Variants in DYNC1H1 observed in about 807,000 individuals in gnomAD.
The protein encoded by DYNC1H1 is dynein cytoplasmic 1 heavy chain 1, also known as cytoplasmic dynein 1 heavy chain 1.
A neutral mutation model predicts 527.1 loss-of-function variants in DYNC1H1; 51 were observed. That is an observed-to-expected ratio of 0.10 (90% CI 0.08 to 0.12). DYNC1H1 has a LOEUF of 0.12. Ranked by LOEUF, DYNC1H1 falls within the 10% of genes least tolerant of loss-of-function variation. The pLI is 1.00. For synonymous variants in DYNC1H1, 2,189 were observed against 2,278.8 expected (o/e 0.96, Z 1.12); for missense variants, 2,771 against 5,971.8 (o/e 0.46, Z 17.66).
Position 102,011,049 on chromosome 14 carries a change from C to A in DYNC1H1, c.6618+97C>A. On this transcript the variant is annotated intron_variant, in intron 32 of 77. Transcript: ENST00000360184. This position sits in a 1 kb window ranked among gnomAD's most constrained non-coding sequence, Gnocchi z 5.3. ...GTGGGCCCTTCGATGAAACTGTCCA[C>A]AAAGGCTGTGGAGGTGCATAATATG... 1 of 1,321,138 alleles carries A rather than the reference C, an allele frequency of 7.6e-7. No individual in the cohort carries two copies. Among genetic ancestry groups the A allele is most frequent in the Non-Finnish European group, 1.1e-6 (1 of 916,924 alleles). The allele number at this position is 1,321,138 out of a possible 1,614,324, so 81.8% of individuals were successfully genotyped here.
At position 101,979,174 on chromosome 14, in the gene DYNC1H1, T is replaced by A; in HGVS notation, c.345-145T>A. ...TTCTGTAACCATAACCTTGATTCAG[T>A]AGCTCTCATGTACTAAAGAAAGACA... is the stretch of plus-strand genomic sequence containing the variant. On this transcript the variant is annotated intron_variant, in intron 2 of 77. Transcript: ENST00000360184. This position sits in a 1 kb window ranked among gnomAD's most constrained non-coding sequence, Gnocchi z 4.6. 1 of 769,838 alleles carries A rather than the reference T, an allele frequency of 1.3e-6. No individual in the cohort carries two copies. Among genetic ancestry groups the A allele is most frequent in the Non-Finnish European group, 2.1e-6 (1 of 482,616 alleles). 47.7% of individuals were successfully genotyped at this position (769,838 alleles called of 1,614,324 possible).
Position 102,044,375 on chromosome 14 carries a change from G to C in DYNC1H1, c.12786G>C (p.Gln4262His). ...YGGRVDNEFD[Q>H]RLLNTFLERL... ...GGCGCGTGGACAACGAGTTTGACCAGCGTCTGCTCAACACCTTCCTGGAGC... is the reference window on the plus strand; with the variant it reads ...GGCGCGTGGACAACGAGTTTGACCACCGTCTGCTCAACACCTTCCTGGAGC... The change falls in exon 71 of 78, where the codon CAG becomes CAC. Residue 4262 changes from glutamine to histidine, a missense_variant. Transcript: ENST00000360184. This position sits in a 1 kb window ranked among gnomAD's most constrained non-coding sequence, Gnocchi z 7.1. 12 of 1,614,104 alleles carry C rather than the reference G, an allele frequency of 7.4e-6. No individual in the cohort carries two copies. Among genetic ancestry groups the C allele is most frequent in the African/African-American group, 1.3e-5 (1 of 75,064 alleles).
intron 43 of DYNC1H1, 120 bp downstream of exon 43, chr14:102,023,000 C>T: frequency 6.8e-7 from 1 of 1,480,414 alleles, no homozygotes; most frequent in South Asian, 1.2e-5. Context: ...TGGTGTCTCA[C>T]ACCTGTAATC....
Position 102,044,288 on chromosome 14 carries a change from C to A in DYNC1H1, c.12699C>A (p.Ile4233=). ...LDDTAKGRQN[I]SPDKIPWSAL... ...TCCTCCCCCAGGGCAGGCAGAACATCTCACCGGATAAGATCCCGTGGTCTG... is the reference window on the plus strand; with the variant it reads ...TCCTCCCCCAGGGCAGGCAGAACATATCACCGGATAAGATCCCGTGGTCTG... The change falls in exon 71 of 78, where the codon ATC becomes ATA. Residue 4233 remains isoleucine (I), a synonymous_variant. Coordinates refer to ENST00000360184, the MANE Select transcript of DYNC1H1 (RefSeq NM_001376.5). This position sits in a 1 kb window ranked among gnomAD's most constrained non-coding sequence, Gnocchi z 7.1. The A allele has an allele frequency of 6.2e-7, 1 of 1,614,138 alleles. No individual in the cohort carries two copies.
Position 102,016,039 on chromosome 14 carries a change from C to A in DYNC1H1, c.7426C>A (p.His2476Asn). Residue 2476 changes from histidine to asparagine, a missense_variant, in exon 36 of 78, where the codon CAT becomes AAT. This residue lies in a region of DYNC1H1 where 122 missense variants were observed against 168.4 expected (regional missense o/e 0.72). Coordinates refer to ENST00000360184, the MANE Select transcript of DYNC1H1 (RefSeq NM_001376.5). This position sits in a 1 kb window ranked among gnomAD's most constrained non-coding sequence, Gnocchi z 7.3. ...CAACGTGGCGCAGTATAACGCCAAC[C>A]ATCCCGACTTCCCCATGCAGATCGA... ...CRNVAQYNANHPDFPMQIEQL... is the reference protein window; with the variant it reads ...CRNVAQYNANNPDFPMQIEQL... 6.2e-7 allele frequency: 1 copy of A among 1,613,494 alleles called. No homozygotes were observed. Among genetic ancestry groups the A allele is most frequent in the Non-Finnish European group, 8.5e-7 (1 of 1,179,930 alleles).
intron 11 of DYNC1H1, 137 bp from the exon 12 acceptor site, chr14:101,994,047 G>A: frequency 8.3e-7 from 1 of 1,199,706 alleles, no homozygotes; most frequent in Non-Finnish European, 1.2e-6. Flanking sequence ...TGTGGCCAGG[G>A]TAAGTGGATG....
intron 74 of DYNC1H1, 42 bp downstream of exon 74, chr14:102,048,711 A>C (rs1174923103): frequency 2.5e-6 from 4 of 1,573,144 alleles, no homozygotes; most frequent in Admixed American, 1.7e-5. Context: ...TCCGGCGGGC[A>C]CCTTGGCCAG....
intron 2 of DYNC1H1, among the ~76,000 whole-genome samples, chr14:101,976,602 A>G (rs1245930868): frequency 6.6e-6 from 1 of 152,100 alleles, no homozygotes; most frequent in South Asian, 2.1e-4. Context: ...CTTTAAATTC[A>G]GTGTCTTTGA....
At chr14:102,034,259 A>G in intron 55 of DYNC1H1, 66 bp from the exon 56 acceptor site, 1 of 1,614,068 alleles carries the variant, frequency 6.2e-7, no homozygotes, top group Non-Finnish European at 8.5e-7. Context: ...GTGCACAGTT[A>G]GAGTCTTGAG....
intron 1 of DYNC1H1, among the ~76,000 whole-genome samples, chr14:101,970,749 C>T (rs2047727803): frequency 6.6e-6 from 1 of 151,996 alleles, no homozygotes; most frequent in Admixed American, 6.6e-5. Context: ...TCCCAAAGTG[C>T]TGGGACTGCA....
Position 102,044,818 on chromosome 14 carries a change from T to C in DYNC1H1, c.13006+120T>C. Reference sequence around the variant, plus strand: ...TGCACTGCTGTCCCAGGGCCCTCCCTGGTTATGCTGGGTGTGGCTCTGTCA... The same window carrying C: ...TGCACTGCTGTCCCAGGGCCCTCCCCGGTTATGCTGGGTGTGGCTCTGTCA... On this transcript the variant is annotated intron_variant, in intron 72 of 77. Coordinates refer to ENST00000360184, the MANE Select transcript of DYNC1H1 (RefSeq NM_001376.5). This position sits in a 1 kb window ranked among gnomAD's most constrained non-coding sequence, Gnocchi z 7.1. The C allele has an allele frequency of 8.5e-7, 1 of 1,172,958 alleles. No individual in the cohort carries two copies. The highest frequency in any genetic ancestry group is 1.2e-6 in the Non-Finnish European group (1 of 811,238). 72.7% of individuals were successfully genotyped at this position (1,172,958 alleles called of 1,614,324 possible). A position where few individuals can be genotyped will look rare whatever the true frequency, so the allele number is the denominator to read the frequency against.
chr14:102,041,697 AGCAGCC>A lies in DYNC1H1; in HGVS notation c.12068_12073del (p.Gln4023_Pro4024del). 6.2e-7 allele frequency: 1 copy of A among 1,614,088 alleles called. No homozygotes were observed. The highest frequency in any genetic ancestry group is 8.5e-7 in the Non-Finnish European group (1 of 1,180,024). Reference sequence around the variant, plus strand: ...GGGGAGTCTTTCATGTCCATCATGGAGCAGCCGCTCGACCTGACCCACATTGTGGGC... The same window carrying A: ...GGGGAGTCTTTCATGTCCATCATGGAGCTCGACCTGACCCACATTGTGGGC... On this transcript the variant is annotated inframe_deletion, in exon 65 of 78. Coordinates refer to ENST00000360184, the MANE Select transcript of DYNC1H1 (RefSeq NM_001376.5). This position sits in a 1 kb window ranked among gnomAD's most constrained non-coding sequence, Gnocchi z 4.5.
intron 23 of DYNC1H1, among the ~76,000 whole-genome samples, 190 bp from the exon 24 acceptor site, chr14:102,004,328 A>C (rs1320525463): frequency 6.6e-6 from 1 of 152,218 alleles, no homozygotes; most frequent in South Asian, 2.1e-4. Context: ...ATTCCTCTTC[A>C]AGATCTTGTT....
rs2048814653 is a variant in DYNC1H1 at position 102,051,736 on chromosome 14, T to A, written c.*1173T>A. On this transcript the variant is annotated 3_prime_UTR_variant, in exon 78 of 78. Transcript: ENST00000360184. ...GGAGTTTCGCTCTTGTTGCCCAGGC[T>A]GGAGTGCAGTGGCGTGATCTCAGCT... The A allele has an allele frequency of 6.5e-6, 1 of 152,680 alleles. No individual in the cohort carries two copies. The allele number at this position is 152,680 out of a possible 1,614,324, so 9.5% of individuals were successfully genotyped here. A position where few individuals can be genotyped will look rare whatever the true frequency, so the allele number is the denominator to read the frequency against.
At position 101,979,384 on chromosome 14, in the gene DYNC1H1, T is replaced by G; in HGVS notation, c.410T>G (p.Val137Gly). The change falls in exon 3 of 78, where the codon GTC (valine) becomes GGC (glycine). Residue 137 changes from valine (V) to glycine (G), a missense_variant. Physicochemically the swap from Val to Gly is moderately radical, Grantham distance 109. Coordinates refer to ENST00000360184, the MANE Select transcript of DYNC1H1 (RefSeq NM_001376.5). This position sits in a 1 kb window ranked among gnomAD's most constrained non-coding sequence, Gnocchi z 4.6. ...ADKPVSSQLR[V>G]LTLSEDSPYE... is the part of the protein sequence containing the mutation. ...AAACCCGTGTCTTCTCAGCTCCGGGTCCTTACACTCAGTGAAGACTCGCCC... is the reference window on the plus strand; with the variant it reads ...AAACCCGTGTCTTCTCAGCTCCGGGGCCTTACACTCAGTGAAGACTCGCCC... 6.2e-7 allele frequency: 1 copy of G among 1,614,176 alleles called. No individual in the cohort carries two copies. Among genetic ancestry groups the G allele is most frequent in the Non-Finnish European group, 8.5e-7 (1 of 1,180,048 alleles).
At chr14:102,037,189 G>T (rs564023030) in intron 57 of DYNC1H1, 1 of 165,254 alleles carries the variant, frequency 6.1e-6, no homozygotes, top group African/African-American at 2.4e-5. Context: ...ACTTTGGGAG[G>T]CCAAGGCAGG....
rs797045533 is a variant in DYNC1H1, at chr14:102,016,897, C to T, written c.7746C>T (p.Tyr2582=). The change falls in exon 38 of 78, where the codon TAC becomes TAT. Residue 2582 remains tyrosine, a synonymous_variant. Coordinates refer to ENST00000360184, the MANE Select transcript of DYNC1H1 (RefSeq NM_001376.5). The surrounding 1 kb of genome is among the most constrained non-coding windows in gnomAD (Gnocchi z 7.3). The part of the protein sequence containing the change: ...LDTVRHEALL[Y]TWLAEHKPLV... ...CAGTCCGCCACGAAGCCCTCTTGTA[C>T]ACTTGGCTGGCCGAACACAAGCCCC... The T allele has an allele frequency of 3.1e-6, 5 of 1,614,250 alleles. No homozygotes were observed. In the Middle Eastern group the frequency reaches 4.9e-4, roughly 160 times the overall value.
intron 34 of DYNC1H1, among the ~76,000 whole-genome samples, chr14:102,013,941 C>G (rs529061797): frequency 6.6e-6 from 1 of 152,112 alleles, no homozygotes; most frequent in Non-Finnish European, 1.5e-5. Context: ...AAGGATGATG[C>G]GAGGTTTCTG....
In DYNC1H1 at chr14:102,005,415, CAG is replaced by C. The variant is rs1328810930; in HGVS notation, c.5433+180_5433+181del. Among the ~76,000 whole-genome samples, 8 of 152,304 alleles carry C rather than the reference CAG, an allele frequency of 5.3e-5. No individual in the cohort carries two copies. Among genetic ancestry groups the C allele is most frequent in the East Asian group, 1.9e-4 (1 of 5,192 alleles). On this transcript the variant is annotated intron_variant, in intron 26 of 77. Coordinates refer to ENST00000360184, the MANE Select transcript of DYNC1H1 (RefSeq NM_001376.5). The surrounding 1 kb of genome is among the most constrained non-coding windows in gnomAD (Gnocchi z 4.0). ...CCCTGTCCCTGTTGAAAGGTAATCT[CAG>C]GGGCATGCAGGGGTTACGCGACATC...
Sources: gnomAD v4.1 joint callset for allele counts (sites outside exome capture counted in the v4.1 genomes callset) on GRCh38, gnomAD v4.1.1 for gene constraint, gnomAD v4.1.1 regional missense constraint, Gnocchi (gnomAD v3.1) non-coding constraint, MANE v1.5 for transcripts, NCBI Gene and HGNC (gene_info 2026-07-23, HGNC 2026-07-21) for gene names.